CIAO3: variants seen among roughly 807,000 people sequenced by gnomAD.
CIAO3 encodes the protein LET1 like/JFP15.
In CIAO3, 45 loss-of-function variants were observed where a neutral mutation model predicts 51.5. The observed-to-expected ratio is 0.87, with a 90% CI of 0.69 to 1.12. The LOEUF (loss-of-function observed/expected upper bound fraction) is 1.12, where lower values mean the gene tolerates loss of function less well. CIAO3 is among the 50% of genes most tolerant of loss of function. The pLI is 0.00. For missense variants in CIAO3, 668 were observed against 632.5 expected (o/e 1.06, Z -0.60); for synonymous variants, 314 against 269.3 (o/e 1.17, Z -1.63).
intron 4 of CIAO3, among the ~76,000 whole-genome samples, chr16:735,855 T>C (rs765096582): frequency 2.0e-4 from 31 of 152,154 alleles, no homozygotes; most frequent in Non-Finnish European, 3.8e-4. Flanking sequence ...TCATTCCCAG[T>C]GAGACACCAG....
Position 737,326 on chromosome 16 carries a change from CG to C in CIAO3, c.165del (p.Asp55GlufsTer14). On this transcript the variant is annotated frameshift_variant and splice_region_variant, in exon 3 of 11. Coordinates refer to ENST00000251588, the MANE Select transcript of CIAO3 (RefSeq NM_022493.3). LOFTEE classifies it high-confidence loss of function. This position sits in a 1 kb window ranked among gnomAD's most constrained non-coding sequence, Gnocchi z 5.3. Reference sequence around the variant, plus strand: ...GCCTTCTCCAGCCTCCGGGTCCCGCCGTCCTACAAGGGAGAAGAACCCGGTG... The same window carrying C: ...GCCTTCTCCAGCCTCCGGGTCCCGCCTCCTACAAGGGAGAAGAACCCGGTG... Reference protein sequence around the residue: ...DDGSYFQINQDGGTRRLEKAK... With the variant: ...DDGSYFQINQXGGTRRLEKAK... The C allele has an allele frequency of 6.2e-7, 1 of 1,612,996 alleles. No individual in the cohort carries two copies. Among genetic ancestry groups the C allele is most frequent in the Non-Finnish European group, 8.5e-7 (1 of 1,179,992 alleles).
chr16:731,392 A>G (rs1476994058), intron 9 of CIAO3, 173 bp downstream of exon 9: 2 of 932,486 alleles, frequency 2.1e-6, no homozygotes, highest in Admixed American at 3.3e-5. Context: ...AGGTGCCTTC[A>G]CACCCTGAGC....
At position 730,241 on chromosome 16, in the gene CIAO3, C is replaced by A; in HGVS notation, c.*176G>T. The stretch of plus-strand genomic sequence containing the variant: ...GGCAGAGCCAGTGGGAACCCAGAGG[C>A]ACCCAACTGGAGGTGACGAGGCGGC... On this transcript the variant is annotated 3_prime_UTR_variant, in exon 11 of 11. Transcript: ENST00000251588. 4.6e-6 allele frequency: 3 copies of A among 650,432 alleles called. No individual in the cohort carries two copies. Among genetic ancestry groups the A allele is most frequent in the Admixed American group, 2.9e-5 (1 of 35,056 alleles). 40.3% of individuals were successfully genotyped at this position (650,432 alleles called of 1,614,324 possible). A position where few individuals can be genotyped will look rare whatever the true frequency, so the allele number is the denominator to read the frequency against.
At chr16:733,949 A>C in intron 6 of CIAO3, 1 of 446,384 alleles carries the variant, frequency 2.2e-6, no homozygotes, top group Non-Finnish European at 4.2e-6. Context: ...TGGTGGCCGG[A>C]GGGGTGGGCT....
chr16:736,487 G>A lies in CIAO3; in HGVS notation c.307-89C>T, dbSNP rs1218219420. The A allele has an allele frequency of 5.9e-6, 9 of 1,537,202 alleles. No homozygotes were observed. The East Asian group carries it at 1.8e-4, about 31-fold the overall frequency. On this transcript the variant is annotated intron_variant, in intron 3 of 10. Transcript: ENST00000251588. ...GCCGCACGGTGAGATGCTGTCAGCTGTGGAGAGGGCAGGCCAGCTCCATCA... is the reference window on the plus strand; with the variant it reads ...GCCGCACGGTGAGATGCTGTCAGCTATGGAGAGGGCAGGCCAGCTCCATCA...
rs745473530 is a variant in CIAO3, at chr16:730,450, C to T, written c.1398G>A (p.Glu466=). ...GGATGCCCAGGCCAGTGCTGGCCTT[C>T]TCCACGGCGTGGTACTGCGTATGCA... ...RLLHTQYHAV[E]KASTGLGIRW Residue 466 remains glutamate (E), a synonymous_variant, in exon 11 of 11, where the codon GAG becomes GAA. Coordinates refer to ENST00000251588, the MANE Select transcript of CIAO3 (RefSeq NM_022493.3). 12 of 1,605,382 alleles carry T rather than the reference C, an allele frequency of 7.5e-6. No homozygotes were observed. In the South Asian group the frequency reaches 1.3e-4, roughly 18 times the overall value.
chr16:739,573 G>A, intron 2 of CIAO3, 70 bp downstream of exon 2: 1 of 1,460,416 alleles, frequency 6.8e-7, no homozygotes, highest in Non-Finnish European at 9.6e-7. Context: ...TCTGTGACGG[G>A]AGGAAGCAGA....
Position 730,967 on chromosome 16 carries a change from C to T in CIAO3, c.1068G>A (p.Lys356=). ...CGAAGTGCAGCAGCACCTGGCCCTCCTTCTCCAGTGTCACCTCCTGGAAGT... is the reference window on the plus strand; with the variant it reads ...CGAAGTGCAGCAGCACCTGGCCCTCTTTCTCCAGTGTCACCTCCTGGAAGT... The part of the protein sequence containing the change: ...NKDFQEVTLE[K]EGQVLLHFAM... The change falls in exon 10 of 11, where the codon AAG becomes AAA. Residue 356 remains lysine, a synonymous_variant. Transcript: ENST00000251588. 6.2e-7 allele frequency: 1 copy of T among 1,612,964 alleles called. No homozygotes were observed. Among genetic ancestry groups the T allele is most frequent in the South Asian group, 1.1e-5 (1 of 91,092 alleles).
intron 1 of CIAO3, 42 bp downstream of exon 1, chr16:740,878 C>A (rs974222833): frequency 1.3e-6 from 2 of 1,507,390 alleles, no homozygotes; most frequent in African/African-American, 1.4e-5. Flanking sequence ...CGCGACAGGG[C>A]ACCGAGCGCA....
intron 6 of CIAO3, 72 bp downstream of exon 6, chr16:734,157 A>G: frequency 7.4e-7 from 1 of 1,343,492 alleles, no homozygotes; most frequent in Non-Finnish European, 1.1e-6. Context: ...CTGCAGCCTC[A>G]TGGCAAGAGG....
At position 730,212 on chromosome 16, in the gene CIAO3, C is replaced by G. The variant is rs1596667764; in HGVS notation, c.*205G>C. 1 of 609,046 alleles carries G rather than the reference C, an allele frequency of 1.6e-6. No homozygotes were observed. The highest frequency in any genetic ancestry group is 2.8e-5 in the East Asian group (1 of 36,042). 37.7% of individuals were successfully genotyped at this position (609,046 alleles called of 1,614,324 possible). On this transcript the variant is annotated 3_prime_UTR_variant, in exon 11 of 11. Transcript: ENST00000251588. ...CTGCTGCCTGGGCCACCCCACCCCA[C>G]CTGGGCAGAGCCAGTGGGAACCCAG...
chr16:732,608 T>C (rs1330336855), intron 7 of CIAO3: 7 of 633,786 alleles, frequency 1.1e-5, no homozygotes, highest in South Asian at 6.1e-5. Context: ...GCTCACCCAG[T>C]GTCCATCTGT....
In CIAO3 at chr16:740,986, G is replaced by A. The variant is rs1240494362; in HGVS notation, c.-1C>T. 3 of 1,506,954 alleles carry A rather than the reference G, an allele frequency of 2.0e-6. No homozygotes were observed. Among genetic ancestry groups the A allele is most frequent in the Non-Finnish European group, 2.7e-6 (3 of 1,130,960 alleles). The allele number at this position is 1,506,954 out of a possible 1,614,324, so 93.3% of individuals were successfully genotyped here. ...GCGCCCCGCTGAAGGGCGACGCCAT[G>A]ACGGCCGCACTGCCGCCGCGCGCAG... is the stretch of plus-strand genomic sequence containing the variant. On this transcript the variant is annotated 5_prime_UTR_variant, in exon 1 of 11. Transcript: ENST00000251588.
intron 1 of CIAO3, chr16:740,714 C>T (rs929038685): frequency 5.3e-6 from 3 of 563,078 alleles, no homozygotes; most frequent in Non-Finnish European, 9.3e-6. Flanking sequence ...CGCCGCCCTC[C>T]CTGGCCTCAG....
At position 731,763 on chromosome 16, in the gene CIAO3, G is replaced by A. The variant is rs1047007985; in HGVS notation, c.897-61C>T. ...CTGCTGCCTGCCAACCTCCCGAGCA[G>A]GGCCTCTGTCCCTCACACATGAGCG... is the stretch of plus-strand genomic sequence containing the variant. On this transcript the variant is annotated intron_variant, in intron 8 of 10. Coordinates refer to ENST00000251588, the MANE Select transcript of CIAO3 (RefSeq NM_022493.3). The A allele has an allele frequency of 6.1e-6, 9 of 1,480,792 alleles. No individual in the cohort carries two copies. The East Asian group carries it at 1.0e-4, about 17-fold the overall frequency. The allele number at this position is 1,480,792 out of a possible 1,614,324, so 91.7% of individuals were successfully genotyped here. A position where few individuals can be genotyped will look rare whatever the true frequency, so the allele number is the denominator to read the frequency against.
rs752585437 is a variant in CIAO3 at position 733,263 on chromosome 16, G to T, written c.823+35C>A. 3.1e-6 allele frequency: 5 copies of T among 1,609,650 alleles called. No homozygotes were observed. The East Asian group carries it at 6.7e-5, about 22-fold the overall frequency. ...CAGGGCTCAGGAATCAGACCAGGAG[G>T]CTTGAGGGCTCAGGGCCGCACGGCG... On this transcript the variant is annotated intron_variant, in intron 7 of 10. Transcript: ENST00000251588.
rs751649024 is a variant in CIAO3 at position 732,369 on chromosome 16, T to C, written c.828A>G (p.Glu276=). 6.2e-7 allele frequency: 1 copy of C among 1,612,788 alleles called. No individual in the cohort carries two copies. The highest frequency in any genetic ancestry group is 8.5e-7 in the Non-Finnish European group (1 of 1,179,820). Residue 276 remains glutamate, a synonymous_variant, in exon 8 of 11, where the codon GAA becomes GAG. Transcript: ENST00000251588. ...RDVDCVLTTG[E]VFRLLEEEGV... ...CCTCTTCCTCCAGCAACCTGAAAAC[T>C]TCTCCTGCAAAGAAGCCACAGCGCA...
intron 2 of CIAO3, 82 bp downstream of exon 2, chr16:739,561 G>A (rs565574209): frequency 1.7e-5 from 23 of 1,371,506 alleles, no homozygotes; most frequent in Middle Eastern, 1.8e-4. Context: ...CGGGGTCACC[G>A]CTCTGTGACG....
At chr16:735,952 A>C (rs2041332908) in intron 4 of CIAO3, among the ~76,000 whole-genome samples, 1 of 152,218 alleles carries the variant, frequency 6.6e-6, no homozygotes, top group South Asian at 2.1e-4. Context: ...AGTCAGCAGA[A>C]GCTGACCTTG....
Sources: gnomAD v4.1 joint callset for allele counts (sites outside exome capture counted in the v4.1 genomes callset) on GRCh38, gnomAD v4.1.1 for gene constraint, Gnocchi (gnomAD v3.1) non-coding constraint, MANE v1.5 for transcripts, NCBI Gene and HGNC (gene_info 2026-07-23, HGNC 2026-07-21) for gene names.